ZNF892: variants seen among roughly 807,000 people sequenced by gnomAD.
ZNF892 encodes the protein zinc finger protein 570-like.
chr2:95,232,370 C>G, the ZNF892 span, among the ~76,000 whole-genome samples: 2 of 152,278 alleles, frequency 1.3e-5, no homozygotes, highest in Non-Finnish European at 2.9e-5. Flanking sequence ...AAACAGATAC[C>G]AAGGGGCATT....
chr2:95,235,735 C>G, the ZNF892 span, among the ~76,000 whole-genome samples: 2 of 152,246 alleles, frequency 1.3e-5, no homozygotes, highest in South Asian at 4.2e-4. Context: ...GTGGTGATTT[C>G]TCTGAAGTTT....
At chr2:95,258,771 C>G in the ZNF892 span, among the ~76,000 whole-genome samples, 2 of 152,108 alleles carry the variant, frequency 1.3e-5, no homozygotes, top group African/African-American at 2.4e-5. Flanking sequence ...GGCATCTTAA[C>G]CTTTTAGGGT....
At chr2:95,230,983 C>T in the ZNF892 span, among the ~76,000 whole-genome samples, 1 of 152,176 alleles carries the variant, frequency 6.6e-6, no homozygotes, top group Non-Finnish European at 1.5e-5. Flanking sequence ...AGGAAGGTCT[C>T]ACACTACTGG....
chr2:95,240,791 A>G, the ZNF892 span, among the ~76,000 whole-genome samples: 1 of 151,772 alleles, frequency 6.6e-6, no homozygotes, highest in Non-Finnish European at 1.5e-5. Flanking sequence ...CAGCTGAACC[A>G]CCTCTGTGGT....
the ZNF892 span, among the ~76,000 whole-genome samples, chr2:95,228,030 T>C: frequency 1.3e-5 from 2 of 152,214 alleles, no homozygotes; most frequent in Admixed American, 1.3e-4. Context: ...CATGTACAGC[T>C]CCCTGTCCAA....
the ZNF892 span, among the ~76,000 whole-genome samples, chr2:95,233,395 C>T: frequency 2.0e-5 from 3 of 151,436 alleles, no homozygotes; most frequent in East Asian, 2.0e-4. Context: ...ACATCTCGGC[C>T]GGGCGCGGTG....
At chr2:95,221,348 T>A in the ZNF892 span, among the ~76,000 whole-genome samples, 6 of 152,228 alleles carry the variant, frequency 3.9e-5, no homozygotes. Context: ...AATCTGCATC[T>A]TTTGAGATAA....
At chr2:95,209,228 A>G in the ZNF892 span, among the ~76,000 whole-genome samples, 4 of 152,218 alleles carry the variant, frequency 2.6e-5, no homozygotes, top group Non-Finnish European at 5.9e-5. Flanking sequence ...ATAAGGGAAT[A>G]TTACAAGACA....
At chr2:95,245,459 G>T in the ZNF892 span, among the ~76,000 whole-genome samples, 5 of 112,194 alleles carry the variant, frequency 4.5e-5, 1 homozygote, top group Non-Finnish European at 9.0e-5. Context: ...GCGGGGGGGG[G>T]GGGGTTTCAC....
chr2:95,249,489 C>T, the ZNF892 span, among the ~76,000 whole-genome samples: 2 of 150,870 alleles, frequency 1.3e-5, no homozygotes, highest in Admixed American at 6.6e-5. Context: ...CCTTGTGATC[C>T]GCCCGCCTTA....
the ZNF892 span, among the ~76,000 whole-genome samples, chr2:95,241,238 G>T: frequency 2.0e-5 from 3 of 152,154 alleles, no homozygotes; most frequent in Non-Finnish European, 2.9e-5. Flanking sequence ...GCATGTTTGG[G>T]CCGGCAACAG....
chr2:95,212,169 TCCTTTTTCTTTC>T, the ZNF892 span: 1 of 398,462 alleles, frequency 2.5e-6, no homozygotes. Context: ...TTCACCAGAC[TCCTTTTTCTTTC>T]CCTATGAATA....
chr2:95,238,381 T>G, the ZNF892 span, among the ~76,000 whole-genome samples: 3 of 152,326 alleles, frequency 2.0e-5, no homozygotes, highest in Non-Finnish European at 4.4e-5. Context: ...ATAGCATGGT[T>G]TACTGAGTAT....
the ZNF892 span, among the ~76,000 whole-genome samples, chr2:95,253,285 T>C: frequency 7.9e-5 from 12 of 152,334 alleles, no homozygotes; most frequent in Middle Eastern, 3.4e-3. Context: ...GGGATCCAGT[T>C]TCAGCTTTCT....
the ZNF892 span, among the ~76,000 whole-genome samples, chr2:95,247,024 A>C: frequency 1.3e-5 from 2 of 152,220 alleles, no homozygotes; most frequent in East Asian, 1.9e-4. Context: ...ATTCATATGG[A>C]ACCAAAACAG....
chr2:95,258,702 G>A, the ZNF892 span, among the ~76,000 whole-genome samples: 1 of 152,248 alleles, frequency 6.6e-6, no homozygotes, highest in East Asian at 1.9e-4. Context: ...CACAATGCCT[G>A]ACTCCGTAAG....
At chr2:95,229,739 C>T in the ZNF892 span, among the ~76,000 whole-genome samples, 1 of 152,094 alleles carries the variant, frequency 6.6e-6, no homozygotes, top group African/African-American at 2.4e-5. Context: ...TGGGGGCTCT[C>T]ATGAATATAA....
At chr2:95,224,369 C>A in the ZNF892 span, among the ~76,000 whole-genome samples, 1 of 152,084 alleles carries the variant, frequency 6.6e-6, no homozygotes, top group African/African-American at 2.4e-5. Flanking sequence ...TTTTCACGTG[C>A]TATAAATAAC....
chr2:95,238,412 C>G, the ZNF892 span, among the ~76,000 whole-genome samples: 2 of 152,172 alleles, frequency 1.3e-5, no homozygotes, highest in Non-Finnish European at 2.9e-5. Context: ...GGGCTGAGAC[C>G]TACTGCTTAG....
Sources: allele counts gnomAD v4.1 joint callset (sites outside exome capture counted in the v4.1 genomes callset), GRCh38; gene constraint gnomAD v4.1.1; transcripts MANE v1.5; gene names NCBI Gene and HGNC (gene_info 2026-07-23, HGNC 2026-07-21).